Variants in MYO5B observed in about 807,000 individuals in gnomAD.
The protein encoded by MYO5B is myosin VB, also known as unconventional myosin-Vb.
A neutral mutation model predicts 229.3 loss-of-function variants in MYO5B; 143 were observed. The observed-to-expected ratio is 0.62, with a 90% CI of 0.54 to 0.72. The LOEUF is 0.72. MYO5B is among the 30% of genes least tolerant of loss of function. MYO5B has a pLI of 0.00. For synonymous variants in MYO5B, 918 were observed against 885.2 expected (o/e 1.04, Z -0.66); for missense variants, 2,321 against 2,331.0 (o/e 1.00, Z 0.09).
intron 1 of MYO5B, among the ~76,000 whole-genome samples, chr18:50,176,936 C>T (rs767423841): frequency 2.6e-4 from 39 of 152,106 alleles, no homozygotes; most frequent in Admixed American, 5.2e-4. Context: ...CATCTGAAGT[C>T]GTCTTAAACT....
chr18:50,006,251 C>A lies in MYO5B; in HGVS notation c.456-4840G>T, dbSNP rs1014299622. Among the ~76,000 whole-genome samples, 4 of 152,288 alleles carry A rather than the reference C, an allele frequency of 2.6e-5. No individual in the cohort carries two copies. In the East Asian group the frequency reaches 7.7e-4, roughly 29 times the overall value. On this transcript the variant is annotated intron_variant, in intron 4 of 39. Coordinates refer to ENST00000285039, the MANE Select transcript of MYO5B (RefSeq NM_001080467.3). The stretch of plus-strand genomic sequence containing the variant: ...AGATGTTTACAAGTACAGAATCTGA[C>A]CCAATGTCCTTCAAAAATATAACCA...
chr18:50,143,775 G>A (rs761049519), intron 1 of MYO5B, among the ~76,000 whole-genome samples: 7 of 152,146 alleles, frequency 4.6e-5, no homozygotes, highest in Non-Finnish European at 7.4e-5. Context: ...TAGAAGGTCA[G>A]AACATGGCGT....
rs114993850 is a variant in MYO5B, at chr18:50,119,013, T to G, written c.28-63635A>C. Among the ~76,000 whole-genome samples the G allele has an allele frequency of 2.3e-3, 354 of 152,304 alleles. 1 individual carries two copies. The highest frequency in any genetic ancestry group is 8.2e-3 in the African/African-American group (341 of 41,580). On this transcript the variant is annotated intron_variant, in intron 1 of 39. Transcript: ENST00000285039. ...ACCTCTCTGGTCTTGTCTCTACCTATAAGATGTAAATGATCAAGAGCTCTT... is the reference window on the plus strand; with the variant it reads ...ACCTCTCTGGTCTTGTCTCTACCTAGAAGATGTAAATGATCAAGAGCTCTT...
intron 9 of MYO5B, among the ~76,000 whole-genome samples, chr18:49,978,662 T>C (rs1474059746): frequency 6.8e-6 from 1 of 147,960 alleles, no homozygotes; most frequent in Non-Finnish European, 1.5e-5. Context: ...GAGTTTGGAG[T>C]GTCACAAAGG....
At chr18:50,023,846 C>A (rs544903531) in intron 4 of MYO5B, among the ~76,000 whole-genome samples, 1 of 152,042 alleles carries the variant, frequency 6.6e-6, no homozygotes. Flanking sequence ...CAGCCTAGAC[C>A]GGGTATCATG....
intron 4 of MYO5B, among the ~76,000 whole-genome samples, chr18:50,035,422 G>C (rs1478625068): frequency 6.6e-6 from 1 of 152,222 alleles, no homozygotes; most frequent in African/African-American, 2.4e-5. Context: ...AAGGAGGAAA[G>C]AGTGTCGCTG....
In MYO5B at chr18:49,837,705, G is replaced by A. The variant is rs1194010044; in HGVS notation, c.4950C>T (p.Asn1650=). ...GGATGATAGCTTCCAGGCAGTATGA[G>A]TTATCCCCATCTGCCATGCTGGAGG... ...KRSSSMADGD[N]SYCLEAIIRQ... The change falls in exon 37 of 40, where the codon AAC becomes AAT. Residue 1650 remains asparagine (N), a synonymous_variant. Coordinates refer to ENST00000285039, the MANE Select transcript of MYO5B (RefSeq NM_001080467.3). 1.9e-6 allele frequency: 3 copies of A among 1,614,216 alleles called. No homozygotes were observed. Among genetic ancestry groups the A allele is most frequent in the South Asian group, 2.2e-5 (2 of 91,086 alleles).
chr18:50,109,779 G>A lies in MYO5B; in HGVS notation c.28-54401C>T, dbSNP rs560483341. Among the ~76,000 whole-genome samples, 20 of 152,182 alleles carry A rather than the reference G, an allele frequency of 1.3e-4. No individual in the cohort carries two copies. In the South Asian group the frequency reaches 1.7e-3, roughly 13 times the overall value. ...AAGGTAGGCAAAGGCACCCTCATCC[G>A]GCCAACGGCAGCACCATGGTGAGCT... On this transcript the variant is annotated intron_variant, in intron 1 of 39. Transcript: ENST00000285039.
intron 14 of MYO5B, among the ~76,000 whole-genome samples, chr18:49,948,174 A>G (rs1303920145): frequency 1.3e-5 from 2 of 152,266 alleles, no homozygotes; most frequent in Admixed American, 1.3e-4. Flanking sequence ...AAACAGACAC[A>G]TAAAGTTAAA....
At chr18:49,939,461 T>C (rs574495492) in intron 14 of MYO5B, among the ~76,000 whole-genome samples, 10 of 152,326 alleles carry the variant, frequency 6.6e-5, no homozygotes, top group Non-Finnish European at 1.0e-4. Flanking sequence ...ATGATCTTTC[T>C]GAACCACGTA....
intron 1 of MYO5B, among the ~76,000 whole-genome samples, chr18:50,096,713 A>G (rs553308879): frequency 7.9e-5 from 12 of 152,284 alleles, no homozygotes; most frequent in African/African-American, 2.6e-4. Context: ...CTTTGTTCAC[A>G]ATACATACTC....
At chr18:50,165,601 C>G (rs1392704880) in intron 1 of MYO5B, among the ~76,000 whole-genome samples, 1 of 152,158 alleles carries the variant, frequency 6.6e-6, no homozygotes, top group Non-Finnish European at 1.5e-5. Context: ...TATGATGAAA[C>G]CCCATCTCTA....
intron 1 of MYO5B, among the ~76,000 whole-genome samples, chr18:50,087,110 T>C (rs920871923): frequency 1.2e-4 from 19 of 152,314 alleles, no homozygotes; most frequent in South Asian, 2.1e-4. Context: ...CATGCAGCCA[T>C]GGACATGTCC....
At chr18:50,110,002 A>T (rs1331474465) in intron 1 of MYO5B, among the ~76,000 whole-genome samples, 2 of 151,072 alleles carry the variant, frequency 1.3e-5, no homozygotes, top group African/African-American at 4.9e-5. Context: ...CACCTCTCTA[A>T]CCTCATATCC....
At chr18:49,884,674 C>T (rs978776987) in intron 22 of MYO5B, among the ~76,000 whole-genome samples, 3 of 152,154 alleles carry the variant, frequency 2.0e-5, no homozygotes, top group Admixed American at 1.3e-4. Context: ...TTGCCCACCA[C>T]TCACCTCCTG....
At chr18:50,024,045 C>G (rs1006540138) in intron 4 of MYO5B, among the ~76,000 whole-genome samples, 5 of 152,288 alleles carry the variant, frequency 3.3e-5, no homozygotes, top group Middle Eastern at 3.4e-3. Context: ...CAACCCCATA[C>G]AGGCAGGAAG....
At chr18:49,841,974 C>T (rs2024063435) in intron 34 of MYO5B, among the ~76,000 whole-genome samples, 1 of 152,024 alleles carries the variant, frequency 6.6e-6, no homozygotes, top group Non-Finnish European at 1.5e-5. Context: ...AAAGCCTGCT[C>T]AGCAACCCAA....
chr18:50,084,295 A>G (rs2031281883), intron 1 of MYO5B, among the ~76,000 whole-genome samples: 1 of 152,154 alleles, frequency 6.6e-6, no homozygotes, highest in Admixed American at 6.5e-5. Flanking sequence ...TTGTTTTTCT[A>G]AAACTCTGCT....
At chr18:49,952,922 T>G (rs925761409) in intron 14 of MYO5B, among the ~76,000 whole-genome samples, 16 of 151,892 alleles carry the variant, frequency 1.1e-4, no homozygotes, top group Non-Finnish European at 2.1e-4. Flanking sequence ...CAGCCACATT[T>G]CCATCACTGC....
Sources: gnomAD v4.1 joint callset for allele counts (sites outside exome capture counted in the v4.1 genomes callset) on GRCh38, gnomAD v4.1.1 for gene constraint, MANE v1.5 for transcripts, NCBI Gene and HGNC (gene_info 2026-07-23, HGNC 2026-07-21) for gene names.